ANKFN1: variants seen among roughly 807,000 people sequenced by gnomAD.
ANKFN1 encodes ankyrin repeat and fibronectin type III domain containing 1, also known as ankyrin repeat and fibronectin type-III domain-containing protein 1.
ANKFN1 carries 74 observed loss-of-function variants against 108.7 expected under a neutral mutation model. The observed-to-expected ratio is 0.68, with a 90% CI of 0.56 to 0.83. The LOEUF is 0.83. Among genes scored for constraint, ANKFN1 ranks in the 40% least tolerant of loss-of-function variants. The probability of loss-of-function intolerance (pLI) is 0.00; values close to 1 mark genes in which losing one functional copy is unlikely to be tolerated. For synonymous variants in ANKFN1, 547 were observed against 516.2 expected (o/e 1.06, Z -0.81); for missense variants, 1,505 against 1,382.3 (o/e 1.09, Z -1.41).
intron 1 of ANKFN1, among the ~76,000 whole-genome samples, chr17:56,163,327 A>G (rs915077232): frequency 2.6e-5 from 4 of 152,074 alleles, no homozygotes; most frequent in Admixed American, 2.6e-4. Context: ...ACGCATACAG[A>G]TTTTCATTTG....
intron 1 of ANKFN1, among the ~76,000 whole-genome samples, chr17:56,202,153 G>A (rs889525654): frequency 6.6e-6 from 1 of 152,208 alleles, no homozygotes; most frequent in Non-Finnish European, 1.5e-5. Flanking sequence ...ACAGAGCAGC[G>A]GGAGAGTTGG....
chr17:56,116,465 C>G (rs551957773), intron 4 of ANKFN1, among the ~76,000 whole-genome samples: 5 of 152,210 alleles, frequency 3.3e-5, no homozygotes, highest in Admixed American at 3.3e-4. Flanking sequence ...GGGAGGTGTT[C>G]AGATTATGGG....
At chr17:56,075,398 C>G (rs1404639373) in intron 4 of ANKFN1, among the ~76,000 whole-genome samples, 1 of 152,168 alleles carries the variant, frequency 6.6e-6, no homozygotes. Context: ...CTTGCCCAAA[C>G]TAGAGTATGC....
At chr17:56,126,394 C>A (rs778861297) in intron 4 of ANKFN1, among the ~76,000 whole-genome samples, 8 of 152,258 alleles carry the variant, frequency 5.3e-5, no homozygotes, top group Middle Eastern at 3.4e-3. Context: ...CTTTTCTCCC[C>A]CTTCTTGACA....
At chr17:56,248,398 C>T (rs2043164002) in intron 3 of ANKFN1, among the ~76,000 whole-genome samples, 1 of 152,202 alleles carries the variant, frequency 6.6e-6, no homozygotes, top group Non-Finnish European at 1.5e-5. Context: ...TTCTGCTTCT[C>T]ATTCATTAGT....
chr17:56,077,082 C>A (rs1221242735), intron 4 of ANKFN1, among the ~76,000 whole-genome samples: 2 of 152,058 alleles, frequency 1.3e-5, no homozygotes, highest in East Asian at 1.9e-4. Context: ...ACTTATCCAC[C>A]CAAACCAAAT....
At chr17:56,259,430 G>C (rs1024618275) in intron 3 of ANKFN1, among the ~76,000 whole-genome samples, 1 of 152,160 alleles carries the variant, frequency 6.6e-6, no homozygotes, top group Non-Finnish European at 1.5e-5. Context: ...TTTTTGGTAA[G>C]TACTACTAGG....
intron 7 of ANKFN1, among the ~76,000 whole-genome samples, chr17:56,374,184 G>C (rs572990769): frequency 6.6e-6 from 1 of 152,182 alleles, no homozygotes; most frequent in Admixed American, 6.5e-5. Flanking sequence ...TACCAAAAGT[G>C]AGTGTGCTAT....
chr17:56,243,996 G>A (rs927860552), intron 3 of ANKFN1, among the ~76,000 whole-genome samples: 1 of 152,044 alleles, frequency 6.6e-6, no homozygotes, highest in South Asian at 2.1e-4. Flanking sequence ...AGACCCTCAG[G>A]AACTATCAGG....
rs2050744611 is a variant in ANKFN1 at position 56,482,529 on chromosome 17, A to T, written c.2260+5A>T. On this transcript the variant is annotated splice_donor_5th_base_variant and intron_variant, in intron 18 of 20. Transcript: ENST00000682825. ...CTCTTCAGATGTTTGAACTTGGTATAGTAGCTTGTTTCACCTAGAAATATT... is the reference window on the plus strand; with the variant it reads ...CTCTTCAGATGTTTGAACTTGGTATTGTAGCTTGTTTCACCTAGAAATATT... 6.2e-7 allele frequency: 1 copy of T among 1,610,480 alleles called. No individual in the cohort carries two copies. Among genetic ancestry groups the T allele is most frequent in the African/African-American group, 1.3e-5 (1 of 74,858 alleles).
At position 56,448,930 on chromosome 17, in the gene ANKFN1, T is replaced by C. The variant is rs528246044; in HGVS notation, c.1100-149T>C. The stretch of plus-strand genomic sequence containing the variant: ...CTGAACAATGGCAGCTTCCAAATCC[T>C]TGGCATCGCCTGCTTGCTCTGCATG... On this transcript the variant is annotated intron_variant, in intron 10 of 20. Transcript: ENST00000682825. 34 of 602,654 alleles carry C rather than the reference T, an allele frequency of 5.6e-5. 1 individual carries two copies. In the South Asian group the frequency reaches 6.4e-4, roughly 11 times the overall value. The allele number at this position is 602,654 out of a possible 1,614,324, so 37.3% of individuals were successfully genotyped here.
chr17:56,483,855 G>A (rs1314537868), intron 18 of ANKFN1, among the ~76,000 whole-genome samples: 1 of 152,192 alleles, frequency 6.6e-6, no homozygotes, highest in Non-Finnish European at 1.5e-5. Context: ...ATTTAGAGGT[G>A]AGTAAGACAA....
intron 3 of ANKFN1, among the ~76,000 whole-genome samples, chr17:56,275,984 T>G (rs1360057540): frequency 6.6e-6 from 1 of 152,150 alleles, no homozygotes; most frequent in African/African-American, 2.4e-5. Flanking sequence ...GTCATTTACA[T>G]TAGATATTTC....
intron 8 of ANKFN1, among the ~76,000 whole-genome samples, chr17:56,384,789 A>G (rs1464438184): frequency 1.3e-5 from 2 of 152,144 alleles, no homozygotes; most frequent in African/African-American, 2.4e-5. Context: ...TTCAAGGAGA[A>G]CTACAAACCA....
At chr17:56,086,243 A>C (rs1422748588) in intron 4 of ANKFN1, among the ~76,000 whole-genome samples, 1 of 150,714 alleles carries the variant, frequency 6.6e-6, no homozygotes, top group Non-Finnish European at 1.5e-5. Context: ...CATCTCTACT[A>C]AAAATACAAA....
intron 17 of ANKFN1, among the ~76,000 whole-genome samples, chr17:56,481,392 C>CT (rs2050696059): frequency 6.6e-6 from 1 of 151,932 alleles, no homozygotes; most frequent in Non-Finnish European, 1.5e-5. Flanking sequence ...AATAGTAAAA[C>CT]TTTTTTAGGC....
intron 1 of ANKFN1, among the ~76,000 whole-genome samples, chr17:56,162,877 G>A (rs527520825): frequency 8.6e-5 from 13 of 151,816 alleles, no homozygotes; most frequent in African/African-American, 2.9e-4. Context: ...CTCTACTAAA[G>A]TACACAAATT....
At chr17:56,174,114 A>G in intron 1 of ANKFN1, 1 of 926,964 alleles carries the variant, frequency 1.1e-6, no homozygotes, top group Non-Finnish European at 1.3e-6. Context: ...GGTCAGCTTG[A>G]CATTGTGGGT....
At chr17:56,410,636 T>C (rs1049707862) in intron 8 of ANKFN1, among the ~76,000 whole-genome samples, 1 of 152,212 alleles carries the variant, frequency 6.6e-6, no homozygotes, top group Non-Finnish European at 1.5e-5. Flanking sequence ...AAATTTTTTC[T>C]ACCAGTCTCA....
Sources: gnomAD v4.1 joint callset for allele counts (sites outside exome capture counted in the v4.1 genomes callset) on GRCh38, gnomAD v4.1.1 for gene constraint, MANE v1.5 for transcripts, NCBI Gene and HGNC (gene_info 2026-07-23, HGNC 2026-07-21) for gene names.